The following FNBP1L variants were observed in gnomAD, a reference collection of about 807,000 sequenced individuals.
FNBP1L encodes the protein formin-binding protein 1-like.
In FNBP1L, 36 loss-of-function variants were observed where a neutral mutation model predicts 91.2. The ratio of observed to expected loss-of-function variants is 0.39; its 90% confidence interval spans 0.30 to 0.52. The LOEUF (loss-of-function observed/expected upper bound fraction) is 0.52, where lower values mean the gene tolerates loss of function less well. Ranked by LOEUF, FNBP1L falls within the 20% of genes least tolerant of loss-of-function variation. FNBP1L has a pLI of 0.66. For missense variants in FNBP1L, 571 were observed against 732.1 expected (o/e 0.78, Z 2.54); for synonymous variants, 242 against 237.0 (o/e 1.02, Z -0.19).
rs557521731 is a variant in FNBP1L, at chr1:93,515,478, C to T, written c.141-6604C>T. 1.8e-4 allele frequency among the ~76,000 whole-genome samples: 28 copies of T among 152,100 alleles called. No homozygotes were observed. In the East Asian group the frequency reaches 4.6e-3, roughly 25 times the overall value. ...GACACATGCACACGTATATTTATTG[C>T]GGCATTATTCGCAATAGCAAAGACT... On this transcript the variant is annotated intron_variant, in intron 2 of 16. Transcript: ENST00000271234.
At chr1:93,542,776 C>CT (rs34922906) in intron 11 of FNBP1L, among the ~76,000 whole-genome samples, 1,746 of 125,560 alleles carry the variant, frequency 0.014, 15 homozygotes, top group Middle Eastern at 0.034. Context: ...TTTTCTTTAC[C>CT]TTTTTTTTTT....
At position 93,532,996 on chromosome 1, in the gene FNBP1L, C is replaced by T. The variant is rs1473556095; in HGVS notation, c.714C>T (p.Arg238=). Residue 238 remains arginine, a synonymous_variant, in exon 8 of 17, where the codon CGC becomes CGT. Transcript: ENST00000271234. ...ACAGAGGATTTGCTGACTCAGAACGCAAAGTTATTCCCATCATTTCAAAAT... is the reference window on the plus strand; with the variant it reads ...ACAGAGGATTTGCTGACTCAGAACGTAAAGTTATTCCCATCATTTCAAAAT... ...ECYRGFADSE[R]KVIPIISKCL... 6.2e-7 allele frequency: 1 copy of T among 1,613,242 alleles called. No individual in the cohort carries two copies. Among genetic ancestry groups the T allele is most frequent in the Non-Finnish European group, 8.5e-7 (1 of 1,179,480 alleles).
chr1:93,485,696 A>G (rs982237920), intron 1 of FNBP1L, among the ~76,000 whole-genome samples: 1 of 152,024 alleles, frequency 6.6e-6, no homozygotes, highest in African/African-American at 2.4e-5. Context: ...TGCATTATTT[A>G]TATTTCGTTT....
rs1270258779 is a variant in FNBP1L, at chr1:93,549,444, A to G, written c.1651+18A>G. 7 of 1,529,680 alleles carry G rather than the reference A, an allele frequency of 4.6e-6. No homozygotes were observed. Among genetic ancestry groups the G allele is most frequent in the Non-Finnish European group, 5.2e-6 (6 of 1,143,106 alleles). The allele number at this position is 1,529,680 out of a possible 1,614,324, so 94.8% of individuals were successfully genotyped here. A position where few individuals can be genotyped will look rare whatever the true frequency, so the allele number is the denominator to read the frequency against. ...TTTTGATGGTATGATTTTCTTAATA[A>G]TATTGTATGTAAAAAAATTGGTTCT... On this transcript the variant is annotated intron_variant, in intron 15 of 16. Coordinates refer to ENST00000271234, the MANE Select transcript of FNBP1L (RefSeq NM_001164473.3).
chr1:93,526,235 C>T (rs1330606967), intron 5 of FNBP1L, among the ~76,000 whole-genome samples: 2 of 152,074 alleles, frequency 1.3e-5, no homozygotes, highest in Non-Finnish European at 2.9e-5. Flanking sequence ...TACAAGGCTC[C>T]AAGTAACAGA....
chr1:93,529,070 T>TG (rs1398835468), intron 5 of FNBP1L, among the ~76,000 whole-genome samples: 1 of 152,010 alleles, frequency 6.6e-6, no homozygotes, highest in Non-Finnish European at 1.5e-5. Flanking sequence ...AAAACCACTT[T>TG]GGAGGGACGC....
intron 2 of FNBP1L, among the ~76,000 whole-genome samples, chr1:93,516,403 A>T (rs1439474142): frequency 6.6e-6 from 1 of 152,186 alleles, no homozygotes; most frequent in Non-Finnish European, 1.5e-5. Flanking sequence ...AATACATTCA[A>T]GTTCCACCCA....
At chr1:93,518,379 A>G (rs1176227614) in intron 2 of FNBP1L, among the ~76,000 whole-genome samples, 2 of 152,182 alleles carry the variant, frequency 1.3e-5, no homozygotes, top group East Asian at 1.9e-4. Context: ...ATACAAAACA[A>G]TTTTATAAAG....
At chr1:93,483,039 A>C (rs1330998958) in intron 1 of FNBP1L, among the ~76,000 whole-genome samples, 2 of 151,078 alleles carry the variant, frequency 1.3e-5, no homozygotes, top group Non-Finnish European at 3.0e-5. Context: ...AAAAACAAAA[A>C]ACAAAAAGTA....
intron 1 of FNBP1L, among the ~76,000 whole-genome samples, chr1:93,456,496 G>A (rs566697243): frequency 6.6e-5 from 10 of 151,528 alleles, no homozygotes; most frequent in African/African-American, 2.4e-4. Context: ...GGAGCCAGGT[G>A]CAGCTGCTCA....
At chr1:93,470,448 G>T (rs936347141) in intron 1 of FNBP1L, among the ~76,000 whole-genome samples, 2 of 152,166 alleles carry the variant, frequency 1.3e-5, no homozygotes, top group Admixed American at 1.3e-4. Context: ...CTTTTTAAAA[G>T]AAACTTTTCC....
At chr1:93,459,077 C>A (rs776755627) in intron 1 of FNBP1L, among the ~76,000 whole-genome samples, 3 of 152,076 alleles carry the variant, frequency 2.0e-5, no homozygotes, top group Non-Finnish European at 4.4e-5. Context: ...AGATATGAGA[C>A]CAGCCTAGGC....
chr1:93,532,879 A>G (rs1052218744), intron 7 of FNBP1L, 43 bp from the exon 8 acceptor site: 99 of 1,500,100 alleles, frequency 6.6e-5, no homozygotes, highest in Non-Finnish European at 8.6e-5. Flanking sequence ...AGAATGATTG[A>G]AAAATTCAGT....
intron 9 of FNBP1L, 25 bp from the exon 10 acceptor site, chr1:93,536,307 A>T: frequency 7.0e-7 from 1 of 1,421,630 alleles, no homozygotes; most frequent in Non-Finnish European, 9.2e-7. Context: ...TGGCTTATTG[A>T]TTCCTTTCTT....
intron 15 of FNBP1L, among the ~76,000 whole-genome samples, chr1:93,550,052 T>C (rs1672356232): frequency 6.6e-6 from 1 of 152,198 alleles, no homozygotes. Flanking sequence ...TTCCCTCAAC[T>C]AACAGGAGAA....
intron 6 of FNBP1L, 121 bp downstream of exon 6, chr1:93,529,877 T>A: frequency 1.6e-6 from 1 of 607,304 alleles, no homozygotes; most frequent in African/African-American, 2.0e-5. Context: ...TATCTAAGTC[T>A]AAAATATACA....
At chr1:93,459,978 T>TGTGTGTG (rs1557774003) in intron 1 of FNBP1L, among the ~76,000 whole-genome samples, 1 of 125,638 alleles carries the variant, frequency 8.0e-6, no homozygotes. Context: ...TGTGTGTGTG[T>TGTGTGTG]TTTTGGGATA....
intron 12 of FNBP1L, 46 bp from the exon 13 acceptor site, chr1:93,546,796 G>A (rs1004448924): frequency 6.3e-7 from 1 of 1,597,288 alleles, no homozygotes; most frequent in Non-Finnish European, 8.5e-7. Flanking sequence ...TTATCTGGAA[G>A]CATATGAAGT....
At chr1:93,537,203 C>T (rs1390559980) in intron 10 of FNBP1L, among the ~76,000 whole-genome samples, 1 of 152,026 alleles carries the variant, frequency 6.6e-6, no homozygotes, top group Non-Finnish European at 1.5e-5. Flanking sequence ...TTTTAATATT[C>T]ATAACCTGTA....
Sources: allele counts gnomAD v4.1 joint callset (sites outside exome capture counted in the v4.1 genomes callset), GRCh38; gene constraint gnomAD v4.1.1; transcripts MANE v1.5; gene names NCBI Gene and HGNC (gene_info 2026-07-23, HGNC 2026-07-21).